The following NBPF10 variants were observed in gnomAD, a reference collection of about 807,000 sequenced individuals.
NBPF10 encodes NBPF member 10, also known as NBPF family member NBPF10.
A neutral mutation model predicts 77.9 loss-of-function variants in NBPF10; 63 were observed. The ratio of observed to expected loss-of-function variants is 0.81; its 90% CI spans 0.66 to 1.00. The LOEUF (loss-of-function observed/expected upper bound fraction) is 1.00, where lower values mean the gene tolerates loss of function less well. Ranked by LOEUF, NBPF10 falls within the 50% of genes least tolerant of loss-of-function variation. NBPF10 has a pLI of 0.00. For synonymous variants in NBPF10, 146 were observed against 264.5 expected (o/e 0.55, Z 4.35); for missense variants, 522 against 679.8 (o/e 0.77, Z 2.58).
At chr1:146,126,404 T>A (rs1658663178) in exon 14 of NBPF10, 3 of 1,261,006 alleles carry the variant, frequency 2.4e-6, no homozygotes, top group Non-Finnish European at 2.3e-6. Flanking sequence ...AGCTCCCTGC[T>A]GAGCGTGGAA....
intron 9 of NBPF10, among the ~76,000 whole-genome samples, chr1:146,133,945 G>A (rs1392282394): frequency 6.8e-6 from 1 of 146,028 alleles, no homozygotes. Context: ...GCTGTTCATT[G>A]CACTGGACAG....
At chr1:146,123,471 G>GACAC (rs1658312404) in intron 17 of NBPF10, among the ~76,000 whole-genome samples, 193 bp from the exon 18 acceptor site, 1 of 37,618 alleles carries the variant, frequency 2.7e-5, no homozygotes, top group African/African-American at 1.1e-4. Flanking sequence ...GAGAAAGACA[G>GACAC]ATAGACACAC....
intron 17 of NBPF10, 139 bp from the exon 18 acceptor site, chr1:146,123,417 C>A (rs1658306860): frequency 4.3e-5 from 1 of 23,382 alleles, no homozygotes; most frequent in Non-Finnish European, 9.2e-5. Context: ...CAAATTATTG[C>A]CTTCATGTTG....
chr1:146,076,300 CACAG>C (rs1324025721), intron 77 of NBPF10, among the ~76,000 whole-genome samples: 38 of 9,264 alleles, frequency 4.1e-3, no homozygotes, highest in East Asian at 0.01. Context: ...CACACACACA[CACAG>C]AGAGAGAGAG....
chr1:146,126,254 A>C (rs782761599), exon 14 of NBPF10: 19 of 1,608,516 alleles, frequency 1.2e-5, no homozygotes, highest in Non-Finnish European at 1.4e-5. Flanking sequence ...TCAATAGCCA[A>C]GCCAACACGC....
At chr1:146,130,651 TAC>T (rs1419649543) in intron 11 of NBPF10, among the ~76,000 whole-genome samples, 1 of 22,878 alleles carries the variant, frequency 4.4e-5, no homozygotes, top group African/African-American at 7.8e-5. Context: ...ATAAATCCTT[TAC>T]AGAGAAGCAA....
chr1:146,109,312 A>C (rs1657340733), intron 35 of NBPF10, among the ~76,000 whole-genome samples, 198 bp from the exon 36 acceptor site: 2 of 56,016 alleles, frequency 3.6e-5, no homozygotes, highest in African/African-American at 1.2e-4. Flanking sequence ...AGACAGATAG[A>C]CACACACACA....
chr1:146,073,464 A>G, intron 81 of NBPF10, 36 bp downstream of exon 81: 1 of 94,476 alleles, frequency 1.1e-5, no homozygotes, highest in East Asian at 1.8e-4. Context: ...CCAGGTGTCA[A>G]CACAGAATTA....
At chr1:146,134,802 C>G (rs1438963452) in intron 8 of NBPF10, among the ~76,000 whole-genome samples, 5 of 129,360 alleles carry the variant, frequency 3.9e-5, no homozygotes, top group African/African-American at 1.7e-4. Context: ...TCTCCAACAT[C>G]ACACGGCAAG....
chr1:146,129,930 C>T (rs1173142093), intron 11 of NBPF10, among the ~76,000 whole-genome samples: 7 of 99,252 alleles, frequency 7.1e-5, no homozygotes, highest in African/African-American at 3.1e-4. Flanking sequence ...TACTTTAAGT[C>T]TTAGGGTACA....
intron 13 of NBPF10, among the ~76,000 whole-genome samples, chr1:146,126,694 G>C (rs1386236736): frequency 6.8e-6 from 1 of 146,260 alleles, no homozygotes; most frequent in Non-Finnish European, 1.5e-5. Context: ...AGGACACTCT[G>C]TATTTGTGCT....
chr1:146,069,582 A>G (rs1488784440), exon 86 of NBPF10: 113 of 1,442,770 alleles, frequency 7.8e-5, no homozygotes, highest in Non-Finnish European at 1.1e-4. Flanking sequence ...TGTTGCTCCA[A>G]TACATAAAAG....
chr1:146,081,008 C>CAT (rs1656256661), intron 71 of NBPF10, among the ~76,000 whole-genome samples: 5 of 80,442 alleles, frequency 6.2e-5, no homozygotes, highest in African/African-American at 1.6e-4. Context: ...CACACACACA[C>CAT]ACACACACAC....
Position 146,125,050 on chromosome 1 carries a change from C to T in NBPF10, c.2079-190G>A, listed in dbSNP as rs1349724292. On this transcript the variant is annotated intron_variant, in intron 15 of 89. Transcript: ENST00000583866. ...GGTAGAAAAGAATGAAAGAGAAAGA[C>T]AGGGAGAGGGAGAGAGAGAGAGAGA... Among the ~76,000 whole-genome samples, 6 of 69,920 alleles carry T rather than the reference C, an allele frequency of 8.6e-5. 1 individual carries two copies. Among genetic ancestry groups the T allele is most frequent in the Non-Finnish European group, 1.3e-4 (5 of 37,200 alleles). 45.9% of individuals were successfully genotyped at this position (69,920 alleles called of 152,430 possible).
intron 14 of NBPF10, among the ~76,000 whole-genome samples, 192 bp downstream of exon 14, chr1:146,126,044 A>C (rs1346387915): frequency 6.6e-6 from 1 of 151,738 alleles, no homozygotes; most frequent in Non-Finnish European, 1.5e-5. Flanking sequence ...CTAGGAAGAG[A>C]GCCTTGCTCA....
exon 14 of NBPF10, chr1:146,126,238 T>A (rs782787832): frequency 5.0e-6 from 8 of 1,604,372 alleles, no homozygotes; most frequent in South Asian, 2.2e-5. Context: ...GTACTCACCA[T>A]CCATGTCAAT....
rs781902327 is a variant in NBPF10, at chr1:146,142,621, G to A, written c.278+29C>T. ...ACTTCAGAGATCTACACACCTACCC[G>A]CCTGCCTCCCCCTATGGGGTCCCCT... On this transcript the variant is annotated intron_variant, in intron 2 of 89. Transcript: ENST00000583866. The A allele has an allele frequency of 3.2e-5, 39 of 1,210,908 alleles. 9 individuals carry two copies. The highest frequency in any genetic ancestry group is 1.1e-4 in the East Asian group (4 of 35,462). The allele number at this position is 1,210,908 out of a possible 1,614,324, so 75.0% of individuals were successfully genotyped here. A position where few individuals can be genotyped will look rare whatever the true frequency, so the allele number is the denominator to read the frequency against.
At chr1:146,126,630 C>CACACAG (rs1553790168) in intron 13 of NBPF10, among the ~76,000 whole-genome samples, 14 of 122,558 alleles carry the variant, frequency 1.1e-4, no homozygotes, top group African/African-American at 3.8e-4. Flanking sequence ...CACACACACA[C>CACACAG]ACACAGAGCG....
Position 146,126,331 on chromosome 1 carries a change from G to C in NBPF10, c.1931C>G (p.Ser644Ter), listed in dbSNP as rs1323425446. Residue 644 changes from serine (S) to a stop codon, truncating the protein, a stop_gained, in exon 14 of 90, where the codon TCA becomes TGA. Coordinates refer to ENST00000583866, the Ensembl canonical transcript of NBPF10. LOFTEE classifies it high-confidence loss of function. ...TGAGTCAGTCAGTTCAAGACAACCT[G>C]AAGGAGTTGAATAACATCTATCCTG... is the stretch of plus-strand genomic sequence containing the variant. The C allele has an allele frequency of 7.7e-7, 1 of 1,291,082 alleles. No homozygotes were observed. The highest frequency in any genetic ancestry group is 1.5e-5 in the African/African-American group (1 of 65,788). 80.0% of individuals were successfully genotyped at this position (1,291,082 alleles called of 1,614,324 possible).
Sources: allele counts gnomAD v4.1 joint callset (sites outside exome capture counted in the v4.1 genomes callset), GRCh38; gene constraint gnomAD v4.1.1; transcripts MANE v1.5; gene names NCBI Gene and HGNC (gene_info 2026-07-23, HGNC 2026-07-21).